Variants in TMEM165 observed in about 807,000 individuals in gnomAD.
TMEM165 encodes the protein putative divalent cation/proton antiporter TMEM165.
In TMEM165, 19 loss-of-function variants were observed where a neutral mutation model predicts 30.0. That is an observed-to-expected ratio of 0.63 (90% CI 0.44 to 0.93). The LOEUF is 0.93. TMEM165 is among the 40% of genes least tolerant of loss of function. TMEM165 has a pLI of 0.00. For synonymous variants in TMEM165, 168 were observed against 162.9 expected, an observed-to-expected ratio of 1.03 and a Z score of -0.24; for missense variants, 340 against 417.0, an observed-to-expected ratio of 0.82 and a Z score of 1.61.
rs1004913469 is a variant in TMEM165, at chr4:55,396,059, T to A, written c.-131T>A. 5.7e-5 allele frequency: 39 copies of A among 687,892 alleles called. No individual in the cohort carries two copies. The African/African-American group carries it at 7.3e-4, about 13-fold the overall frequency. The allele number at this position is 687,892 out of a possible 1,614,324, so 42.6% of individuals were successfully genotyped here. A position where few individuals can be genotyped will look rare whatever the true frequency, so the allele number is the denominator to read the frequency against. On this transcript the variant is annotated 5_prime_UTR_variant, in exon 1 of 6. Coordinates refer to ENST00000381334, the MANE Select transcript of TMEM165 (RefSeq NM_018475.5). The stretch of plus-strand genomic sequence containing the variant: ...CCCGCTGCTTGCACCTCCCGGATGG[T>A]GCTGACTGCTCCCTAAGCGGCGGCG...
chr4:55,400,247 T>TATAATAATC (rs1720904098), intron 1 of TMEM165, among the ~76,000 whole-genome samples: 1 of 51,692 alleles, frequency 1.9e-5, no homozygotes. Context: ...TAATTAATAT[T>TATAATAATC]ATATTATATT....
Position 55,424,573 on chromosome 4 carries a change from G to C in TMEM165, c.828G>C (p.Gly276=). 1 of 1,613,888 alleles carries C rather than the reference G, an allele frequency of 6.2e-7. No individual in the cohort carries two copies. Among genetic ancestry groups the C allele is most frequent in the South Asian group, 1.1e-5 (1 of 91,082 alleles). ...PYGVAVGGTV[G]HCLCTGLAVI... is the part of the protein sequence containing the mutation. The stretch of plus-strand genomic sequence containing the variant: ...GTGTAGCCGTGGGTGGAACTGTGGG[G>C]CACTGCCTGTGCACGGGATTGGCAG... Residue 276 remains glycine, a synonymous_variant, in exon 5 of 6, where the codon GGG becomes GGC. Coordinates refer to ENST00000381334, the MANE Select transcript of TMEM165 (RefSeq NM_018475.5).
At chr4:55,438,677 T>C in intron 3 of TMEM165, 1 of 1,282,668 alleles carries the variant, frequency 7.8e-7, no homozygotes, top group Non-Finnish European at 1.1e-6. Flanking sequence ...ATTCCTACTT[T>C]GTTTCATTTT....
intron 1 of TMEM165, among the ~76,000 whole-genome samples, chr4:55,411,252 A>G (rs969101400): frequency 1.3e-5 from 2 of 152,192 alleles, no homozygotes; most frequent in African/African-American, 4.8e-5. Context: ...AGTATCCTCA[A>G]TCTAAAATCC....
chr4:55,434,686 A>C (rs1233767095), intron 3 of TMEM165: 1 of 152,694 alleles, frequency 6.5e-6, no homozygotes, highest in African/African-American at 2.4e-5. Context: ...TGTGCCCCGG[A>C]AAAGTGAACA....
chr4:55,407,427 A>G (rs1204625740), intron 1 of TMEM165, among the ~76,000 whole-genome samples: 1 of 152,232 alleles, frequency 6.6e-6, no homozygotes, highest in Non-Finnish European at 1.5e-5. Flanking sequence ...TATGAAAAAA[A>G]GAATGTTAAA....
chr4:55,407,829 T>C (rs1437967370), intron 1 of TMEM165, among the ~76,000 whole-genome samples: 1 of 152,252 alleles, frequency 6.6e-6, no homozygotes, highest in Non-Finnish European at 1.5e-5. Flanking sequence ...ATTGAGCACT[T>C]ACTGTGTACT....
At chr4:55,399,026 G>A (rs1465994662) in intron 1 of TMEM165, 1 of 152,076 alleles carries the variant, frequency 6.6e-6, no homozygotes, top group Non-Finnish European at 1.5e-5. Context: ...TTGGATTGGT[G>A]TTGGTTTAGA....
At chr4:55,412,520 A>G (rs973224807) in intron 2 of TMEM165, 2 of 151,950 alleles carry the variant, frequency 1.3e-5, no homozygotes, top group African/African-American at 2.4e-5. Context: ...AAATGTGAAT[A>G]TACTTTTTTA....
chr4:55,411,151 A>AGG (rs751510955), intron 1 of TMEM165, among the ~76,000 whole-genome samples: 2 of 151,574 alleles, frequency 1.3e-5, no homozygotes, highest in African/African-American at 2.4e-5. Flanking sequence ...AAAAAAAAAA[A>AGG]GGGAATTTTA....
At chr4:55,439,032 T>C (rs1723133971) in intron 3 of TMEM165, among the ~76,000 whole-genome samples, 1 of 152,226 alleles carries the variant, frequency 6.6e-6, no homozygotes, top group Non-Finnish European at 1.5e-5. Context: ...ATTAAAAATC[T>C]TGTGAATCAA....
intron 1 of TMEM165, among the ~76,000 whole-genome samples, chr4:55,400,353 AT>A (rs1228748820): frequency 1.6e-5 from 1 of 62,680 alleles, no homozygotes; most frequent in African/African-American, 4.8e-5. Context: ...ATTATATTAT[AT>A]TAATATAATT....
chr4:55,414,593 C>T (rs1359911593), intron 2 of TMEM165, among the ~76,000 whole-genome samples: 2 of 152,152 alleles, frequency 1.3e-5, no homozygotes, highest in African/African-American at 4.8e-5. Context: ...TCCTAATGCT[C>T]TCCCTCCCCT....
intron 1 of TMEM165, among the ~76,000 whole-genome samples, chr4:55,410,622 A>G (rs1721450965): frequency 6.6e-6 from 1 of 152,164 alleles, no homozygotes; most frequent in Non-Finnish European, 1.5e-5. Context: ...CTGTGTTAAC[A>G]GCTGTATTAA....
chr4:55,450,184 C>G, intron 3 of TMEM165: 1 of 1,613,938 alleles, frequency 6.2e-7, no homozygotes, highest in South Asian at 1.1e-5. Context: ...TCCAATGCTT[C>G]CTTGAGACTG....
Position 55,417,854 on chromosome 4 carries a change from A to C in TMEM165, c.661A>C (p.Ser221Arg). 1 of 1,614,014 alleles carries C rather than the reference A, an allele frequency of 6.2e-7. No homozygotes were observed. The highest frequency in any genetic ancestry group is 8.5e-7 in the Non-Finnish European group (1 of 1,179,968). The change falls in exon 4 of 6, where the codon AGC becomes CGC. Residue 221 changes from serine to arginine, a missense_variant. Coordinates refer to ENST00000381334, the MANE Select transcript of TMEM165 (RefSeq NM_018475.5). ...NGPGDVETGT[S>R]ITVPQKKWLH... ...ACCGGGAGATGTTGAAACGGGTACA[A>C]GCATAACAGTACCTCAGAAAAAGTG...
At chr4:55,409,072 C>T (rs138991180) in intron 1 of TMEM165, among the ~76,000 whole-genome samples, 52 of 152,050 alleles carry the variant, frequency 3.4e-4, no homozygotes, top group Non-Finnish European at 5.3e-4. Context: ...GGACCGTCAA[C>T]GTAGGTGGAA....
intron 1 of TMEM165, among the ~76,000 whole-genome samples, chr4:55,403,743 T>C (rs1375893831): frequency 1.3e-5 from 2 of 152,164 alleles, no homozygotes; most frequent in African/African-American, 2.4e-5. Context: ...AAAATTGAAA[T>C]TGCACACTGC....
At chr4:55,437,880 ATAATT>A (rs1206924165) in intron 3 of TMEM165, among the ~76,000 whole-genome samples, 2 of 152,242 alleles carry the variant, frequency 1.3e-5, no homozygotes, top group African/African-American at 2.4e-5. Context: ...ATTCAACAAA[ATAATT>A]TAAGGTAACA....
Sources: allele counts gnomAD v4.1 joint callset (sites outside exome capture counted in the v4.1 genomes callset), GRCh38; gene constraint gnomAD v4.1.1; transcripts MANE v1.5; gene names NCBI Gene and HGNC (gene_info 2026-07-23, HGNC 2026-07-21).